Variants in TNFSF12 observed in about 807,000 individuals in gnomAD.
The protein encoded by TNFSF12 is TNF superfamily member 12, also known as tumor necrosis factor ligand superfamily member 12.
In TNFSF12, 16 loss-of-function variants were observed where a neutral mutation model predicts 31.2. That is an observed-to-expected ratio of 0.51 (90% CI 0.35 to 0.78). TNFSF12 has a LOEUF of 0.78. Among genes scored for constraint, TNFSF12 ranks in the 30% least tolerant of loss-of-function variants. The probability of loss-of-function intolerance (pLI) is 0.01; values close to 1 mark genes in which losing one functional copy is unlikely to be tolerated. For missense variants in TNFSF12, 324 were observed against 338.8 expected, an observed-to-expected ratio of 0.96 and a Z score of 0.34; for synonymous variants, 150 against 151.4, an observed-to-expected ratio of 0.99 and a Z score of 0.07.
Position 7,549,075 on chromosome 17 carries a change from C to A in TNFSF12, c.-79C>A. ...GCCCCTCCCTCTCCCCGGCCCGATCCGCCCGCCGGCTCCCCCTCCCCCGAT... is the reference window on the plus strand; with the variant it reads ...GCCCCTCCCTCTCCCCGGCCCGATCAGCCCGCCGGCTCCCCCTCCCCCGAT... On this transcript the variant is annotated 5_prime_UTR_variant, in exon 1 of 7. Coordinates refer to ENST00000293825, the MANE Select transcript of TNFSF12 (RefSeq NM_003809.3). This position sits in a 1 kb window ranked among gnomAD's most constrained non-coding sequence, Gnocchi z 4.1. The A allele has an allele frequency of 8.3e-7, 1 of 1,204,106 alleles. No individual in the cohort carries two copies. The highest frequency in any genetic ancestry group is 1.0e-6 in the Non-Finnish European group (1 of 964,078). The allele number at this position is 1,204,106 out of a possible 1,614,324, so 74.6% of individuals were successfully genotyped here.
At position 7,557,416 on chromosome 17, in the gene TNFSF12, G is replaced by A. The variant is rs1469715655; in HGVS notation, c.*66G>A. On this transcript the variant is annotated 3_prime_UTR_variant, in exon 7 of 7. Transcript: ENST00000293825. This position sits in a 1 kb window ranked among gnomAD's most constrained non-coding sequence, Gnocchi z 5.2. ...CCCCTCGACAGCTCTCTGGGCACCC[G>A]GTCCCCTCTGCCCCACCCTCAGCCG... The A allele has an allele frequency of 1.1e-5, 16 of 1,519,182 alleles. No homozygotes were observed. The highest frequency in any genetic ancestry group is 2.6e-5 in the South Asian group (2 of 77,790). The allele number at this position is 1,519,182 out of a possible 1,614,324, so 94.1% of individuals were successfully genotyped here.
rs59248137 is a variant in TNFSF12 at position 7,555,973 on chromosome 17, G to GTTTTTTTTTTTTTTTTTTTTTT, written c.374-797_374-796insTTTTTTTTTTTTTTTTTTTTTT. ...GTGGAAATAAAAATGCCCAGTGAGC[G>GTTTTTTTTTTTTTTTTTTTTTT]TTTTTTTTGTTTTTTTTTTTTTTTG... On this transcript the variant is annotated intron_variant, in intron 5 of 6. Transcript: ENST00000293825. Among the ~76,000 whole-genome samples the GTTTTTTTTTTTTTTTTTTTTTT allele has an allele frequency of 4.8e-4, 34 of 70,900 alleles. 9 individuals are homozygous for GTTTTTTTTTTTTTTTTTTTTTT. The highest frequency in any genetic ancestry group is 8.7e-4 in the East Asian group (2 of 2,296). The allele number at this position is 70,900 out of a possible 152,430, so 46.5% of individuals were successfully genotyped here.
Position 7,557,248 on chromosome 17 carries a change from G to A in TNFSF12, c.648G>A (p.Leu216=). 6.2e-7 allele frequency: 1 copy of A among 1,613,756 alleles called. No homozygotes were observed. Reference sequence around the variant, plus strand: ...GCCTCTGCCAGGTGTCTGGGCTGTTGGCCCTGCGGCCAGGGTCCTCCCTGC... The same window carrying A: ...GCCTCTGCCAGGTGTCTGGGCTGTTAGCCCTGCGGCCAGGGTCCTCCCTGC... ...QLRLCQVSGL[L]ALRPGSSLRI... The change falls in exon 7 of 7, where the codon TTG becomes TTA. Residue 216 remains leucine (L), a synonymous_variant. Coordinates refer to ENST00000293825, the MANE Select transcript of TNFSF12 (RefSeq NM_003809.3). The surrounding 1 kb of genome is among the most constrained non-coding windows in gnomAD (Gnocchi z 5.2).
rs775735044 is a variant in TNFSF12 at position 7,549,610 on chromosome 17, G to A, written c.207+89G>A. ...GCAGGTGTGTGCAGCTGTGCCAGCC[G>A]TACTCGAGGTGTGTGCAGGGTGTGT... On this transcript the variant is annotated intron_variant, in intron 2 of 6. Transcript: ENST00000293825. This position sits in a 1 kb window ranked among gnomAD's most constrained non-coding sequence, Gnocchi z 4.1. 70 of 1,439,230 alleles carry A rather than the reference G, an allele frequency of 4.9e-5. No individual in the cohort carries two copies. The highest frequency in any genetic ancestry group is 2.8e-4 in the East Asian group (11 of 39,158). 89.2% of individuals were successfully genotyped at this position (1,439,230 alleles called of 1,614,324 possible). A position where few individuals can be genotyped will look rare whatever the true frequency, so the allele number is the denominator to read the frequency against.
chr17:7,553,885 C>T, intron 5 of TNFSF12: 1 of 1,065,044 alleles, frequency 9.4e-7, no homozygotes, highest in South Asian at 2.8e-5. Flanking sequence ...ACTTCTAGGT[C>T]CTCTGGACAA....
rs2071079206 is a variant in TNFSF12 at position 7,557,030 on chromosome 17, G to A, written c.499-69G>A. Reference sequence around the variant, plus strand: ...TTGGGTGGGATGGGATGCCTGCGTCGCTGAGGAAATTGGAAATTGAGGCGA... The same window carrying A: ...TTGGGTGGGATGGGATGCCTGCGTCACTGAGGAAATTGGAAATTGAGGCGA... On this transcript the variant is annotated intron_variant, in intron 6 of 6. Coordinates refer to ENST00000293825, the MANE Select transcript of TNFSF12 (RefSeq NM_003809.3). The surrounding 1 kb of genome is among the most constrained non-coding windows in gnomAD (Gnocchi z 5.2). 4.5e-6 allele frequency: 7 copies of A among 1,551,942 alleles called. No homozygotes were observed. Among genetic ancestry groups the A allele is most frequent in the African/African-American group, 2.7e-5 (2 of 74,018 alleles).
intron 5 of TNFSF12, among the ~76,000 whole-genome samples, chr17:7,554,272 C>A (rs1396007859): frequency 6.6e-6 from 1 of 151,526 alleles, no homozygotes; most frequent in Non-Finnish European, 1.5e-5. Flanking sequence ...TGCTAGGGGC[C>A]AGGCTAGGTG....
intron 5 of TNFSF12, chr17:7,553,704 G>A (rs1479808387): frequency 3.0e-5 from 39 of 1,298,216 alleles, no homozygotes; most frequent in Non-Finnish European, 3.7e-5. Flanking sequence ...CGAGGTGGCT[G>A]GTGCAGGGGT....
intron 5 of TNFSF12, among the ~76,000 whole-genome samples, chr17:7,552,496 T>C (rs989614911): frequency 1.3e-5 from 2 of 151,830 alleles, no homozygotes; most frequent in Admixed American, 1.3e-4. Context: ...CCCAGCTCAT[T>C]TTTGTATTTT....
rs758492571 is a variant in TNFSF12, at chr17:7,550,186, C to G, written c.274C>G (p.Arg92Gly). 50 of 1,613,956 alleles carry G rather than the reference C, an allele frequency of 3.1e-5. No homozygotes were observed. The highest frequency in any genetic ancestry group is 4.1e-5 in the Non-Finnish European group (48 of 1,180,016). Residue 92 changes from arginine (R) to glycine (G), a missense_variant, in exon 3 of 7, where the codon CGC becomes GGC. By Grantham distance (125) the Arg-to-Gly change is moderately radical (BLOSUM62 -2). Transcript: ENST00000293825. This position sits in a 1 kb window ranked among gnomAD's most constrained non-coding sequence, Gnocchi z 4.4. The stretch of plus-strand genomic sequence containing the variant: ...TTTCCTGAACCGACTAGTTCGGCCT[C>G]GCAGAAGTGGTGAGCATCCCTCTAT... Reference protein sequence around the residue: ...APFLNRLVRPRRSAPKGRKTR... With the variant: ...APFLNRLVRPGRSAPKGRKTR...
intron 6 of TNFSF12, 84 bp downstream of exon 6, chr17:7,556,986 TGGGA>T (rs973778842): frequency 3.4e-6 from 4 of 1,191,250 alleles, no homozygotes; most frequent in African/African-American, 3.1e-5. Flanking sequence ...GCTACAGGGC[TGGGA>T]GGGTGAGTTG....
In TNFSF12 at chr17:7,550,295, A is replaced by T; in HGVS notation, c.283+100A>T. 2 of 1,569,052 alleles carry T rather than the reference A, an allele frequency of 1.3e-6. No individual in the cohort carries two copies. Among genetic ancestry groups the T allele is most frequent in the South Asian group, 2.2e-5 (2 of 89,680 alleles). ...CGGAGGGTGAAAGGAGTTCAGAGTCATGCAGCTAACCAGCCAAGACTCAAA... is the reference window on the plus strand; with the variant it reads ...CGGAGGGTGAAAGGAGTTCAGAGTCTTGCAGCTAACCAGCCAAGACTCAAA... On this transcript the variant is annotated intron_variant, in intron 3 of 6. Coordinates refer to ENST00000293825, the MANE Select transcript of TNFSF12 (RefSeq NM_003809.3). The surrounding 1 kb of genome is among the most constrained non-coding windows in gnomAD (Gnocchi z 4.4).
At position 7,550,103 on chromosome 17, in the gene TNFSF12, T is replaced by C. The variant is rs1482681430; in HGVS notation, c.208-17T>C. The C allele has an allele frequency of 1.2e-6, 2 of 1,614,072 alleles. No individual in the cohort carries two copies. Among genetic ancestry groups the C allele is most frequent in the South Asian group, 1.1e-5 (1 of 91,086 alleles). The stretch of plus-strand genomic sequence containing the variant: ...TCTCTGGGAGTCTGTGGTTGAACCC[T>C]GCCCTAATTCCCCTAGGAACTGAAT... On this transcript the variant is annotated splice_polypyrimidine_tract_variant and intron_variant, in intron 2 of 6. Transcript: ENST00000293825. The surrounding 1 kb of genome is among the most constrained non-coding windows in gnomAD (Gnocchi z 4.4).
Position 7,557,549 on chromosome 17 carries a change from A to G in TNFSF12, c.*199A>G. ...CCCACTCTTATCTTACAACTCCCCC[A>G]CCGCCCACTCTCCACCTCACTAGCT... On this transcript the variant is annotated 3_prime_UTR_variant, in exon 7 of 7. Transcript: ENST00000293825. This position sits in a 1 kb window ranked among gnomAD's most constrained non-coding sequence, Gnocchi z 5.2. The G allele has an allele frequency of 1.4e-6, 1 of 712,020 alleles. No homozygotes were observed. The highest frequency in any genetic ancestry group is 2.2e-6 in the Non-Finnish European group (1 of 461,218). The allele number at this position is 712,020 out of a possible 1,614,324, so 44.1% of individuals were successfully genotyped here. A position where few individuals can be genotyped will look rare whatever the true frequency, so the allele number is the denominator to read the frequency against.
chr17:7,551,198 C>G (rs546214277), intron 5 of TNFSF12, among the ~76,000 whole-genome samples: 1 of 152,258 alleles, frequency 6.6e-6, no homozygotes, highest in East Asian at 1.9e-4. Context: ...TGTCCCAGCT[C>G]TCTCCTTCAG....
rs2150904948 is a variant in TNFSF12, at chr17:7,550,716, TGA to T, written c.284-79_284-78del. On this transcript the variant is annotated intron_variant, in intron 3 of 6. Transcript: ENST00000293825. The surrounding 1 kb of genome is among the most constrained non-coding windows in gnomAD (Gnocchi z 4.4). Reference sequence around the variant, plus strand: ...ACAAGAATAAGGATGCCAGGGTTCCTGAGAGGGGAATGGGGCTGGGAGAGTTG... The same window carrying T: ...ACAAGAATAAGGATGCCAGGGTTCCTGAGGGGAATGGGGCTGGGAGAGTTG... 1 of 1,553,598 alleles carries T rather than the reference TGA, an allele frequency of 6.4e-7. No homozygotes were observed. Among genetic ancestry groups the T allele is most frequent in the Non-Finnish European group, 8.8e-7 (1 of 1,141,282 alleles).
intron 5 of TNFSF12, among the ~76,000 whole-genome samples, chr17:7,556,434 T>C (rs931391810): frequency 1.3e-5 from 2 of 152,242 alleles, no homozygotes; most frequent in Non-Finnish European, 2.9e-5. Flanking sequence ...ATTCAGATAA[T>C]GTATGTTTAC....
intron 5 of TNFSF12, among the ~76,000 whole-genome samples, chr17:7,554,494 T>C (rs1203915786): frequency 6.6e-6 from 1 of 151,020 alleles, no homozygotes; most frequent in Non-Finnish European, 1.5e-5. Context: ...TTTTTTATTT[T>C]TTAGTAGAGA....
chr17:7,554,708 G>A (rs1429650236), intron 5 of TNFSF12, among the ~76,000 whole-genome samples: 1 of 148,714 alleles, frequency 6.7e-6, no homozygotes, highest in African/African-American at 2.5e-5. Flanking sequence ...CAGCCTTCTC[G>A]GGTTCAAGTG....
Sources: allele counts gnomAD v4.1 joint callset (sites outside exome capture counted in the v4.1 genomes callset), GRCh38; gene constraint gnomAD v4.1.1; non-coding constraint Gnocchi (gnomAD v3.1); transcripts MANE v1.5; gene names NCBI Gene and HGNC (gene_info 2026-07-23, HGNC 2026-07-21).